Variants in RNGTT observed in about 807,000 individuals in gnomAD.
RNGTT encodes mRNA-capping enzyme.
RNGTT carries 33 observed loss-of-function variants against 79.3 expected under a neutral mutation model. The observed-to-expected ratio is 0.42, with a 90% confidence interval of 0.32 to 0.56. RNGTT has a LOEUF of 0.56. Among genes scored for constraint, RNGTT ranks in the 20% least tolerant of loss-of-function variants. RNGTT has a pLI of 0.17. For missense variants in RNGTT, 497 were observed against 739.1 expected, an observed-to-expected ratio of 0.67 and a Z score of 3.80; for synonymous variants, 222 against 235.9, an observed-to-expected ratio of 0.94 and a Z score of 0.54.
intron 14 of RNGTT, among the ~76,000 whole-genome samples, chr6:88,673,282 G>A (rs2610724): frequency 0.12 from 18,910 of 152,088 alleles, 3,912 homozygotes; most frequent in African/African-American, 0.43. Flanking sequence ...ATTTTTAAAA[G>A]GTTATATCTC....
At chr6:88,792,845 A>T (rs1482272287) in intron 12 of RNGTT, among the ~76,000 whole-genome samples, 2 of 152,202 alleles carry the variant, frequency 1.3e-5, no homozygotes, top group Non-Finnish European at 2.9e-5. Context: ...ATTCAATATA[A>T]TGAAATTTTG....
At chr6:88,892,123 T>C (rs750905545) in intron 6 of RNGTT, among the ~76,000 whole-genome samples, 1 of 152,026 alleles carries the variant, frequency 6.6e-6, no homozygotes, top group Non-Finnish European at 1.5e-5. Context: ...TTCTTCAATA[T>C]ACGTATGTAC....
At chr6:88,836,585 T>C (rs1289228347) in intron 11 of RNGTT, among the ~76,000 whole-genome samples, 1 of 151,858 alleles carries the variant, frequency 6.6e-6, no homozygotes, top group Non-Finnish European at 1.5e-5. Context: ...CTACAAAAGA[T>C]ACAAAAATTA....
chr6:88,853,308 C>A (rs1178815449), intron 9 of RNGTT, among the ~76,000 whole-genome samples: 1 of 152,012 alleles, frequency 6.6e-6, no homozygotes, highest in Admixed American at 6.5e-5. Flanking sequence ...GAGTTCAAGA[C>A]CAGCCTGACC....
chr6:88,778,681 A>G (rs949690840), intron 12 of RNGTT, among the ~76,000 whole-genome samples: 1 of 152,152 alleles, frequency 6.6e-6, no homozygotes, highest in Admixed American at 6.5e-5. Flanking sequence ...AAATTATTTA[A>G]AACTGCAAAA....
intron 11 of RNGTT, among the ~76,000 whole-genome samples, chr6:88,839,450 G>C (rs1285683887): frequency 6.6e-6 from 1 of 152,070 alleles, no homozygotes; most frequent in Non-Finnish European, 1.5e-5. Flanking sequence ...CCGGTCTATA[G>C]TTCCAGCTAT....
intron 14 of RNGTT, among the ~76,000 whole-genome samples, chr6:88,669,140 C>A (rs1384114875): frequency 6.6e-6 from 1 of 152,040 alleles, no homozygotes; most frequent in African/African-American, 2.4e-5. Context: ...GGGCTTGACC[C>A]CCGAGTCAAC....
At chr6:88,660,721 G>T (rs1774153028) in intron 14 of RNGTT, among the ~76,000 whole-genome samples, 1 of 152,030 alleles carries the variant, frequency 6.6e-6, no homozygotes, top group African/African-American at 2.4e-5. Context: ...TAATAGTGGG[G>T]GACTTCAATA....
At chr6:88,640,173 T>G (rs1424676887) in intron 14 of RNGTT, among the ~76,000 whole-genome samples, 1 of 152,174 alleles carries the variant, frequency 6.6e-6, no homozygotes. Context: ...TCAAAGTACT[T>G]GGCACATAAA....
At chr6:88,837,268 G>A (rs978371187) in intron 11 of RNGTT, among the ~76,000 whole-genome samples, 5 of 152,024 alleles carry the variant, frequency 3.3e-5, no homozygotes, top group Non-Finnish European at 4.4e-5. Flanking sequence ...GTGGTGGCAC[G>A]TGCCTGTAGT....
intron 13 of RNGTT, among the ~76,000 whole-genome samples, chr6:88,758,323 C>A (rs1457901385): frequency 6.6e-6 from 1 of 152,084 alleles, no homozygotes; most frequent in African/African-American, 2.4e-5. Context: ...AAAATAATCA[C>A]TGAATACACT....
chr6:88,748,670 T>G (rs1010403200), intron 13 of RNGTT, among the ~76,000 whole-genome samples: 1 of 152,082 alleles, frequency 6.6e-6, no homozygotes, highest in African/African-American at 2.4e-5. Context: ...TGATTTTGCA[T>G]GAATATATCA....
rs143480508 is a variant in RNGTT, at chr6:88,799,541, A to G, written c.1338+2023T>C. Among the ~76,000 whole-genome samples, 3 of 152,186 alleles carry G rather than the reference A, an allele frequency of 2.0e-5. No homozygotes were observed. In the East Asian group the frequency reaches 5.8e-4, roughly 29 times the overall value. On this transcript the variant is annotated intron_variant, in intron 12 of 15. Coordinates refer to ENST00000369485, the MANE Select transcript of RNGTT (RefSeq NM_003800.5). ...TGGTGAAACTCCGTTTCTACTAAAA[A>G]TACAAAAAATTAGCCGGGCATGGTG...
chr6:88,719,522 C>G (rs1320465573), intron 13 of RNGTT, among the ~76,000 whole-genome samples: 1 of 152,148 alleles, frequency 6.6e-6, no homozygotes, highest in Non-Finnish European at 1.5e-5. Context: ...GTTAAACTAC[C>G]TCTAATCCTT....
chr6:88,939,835 C>T (rs1459375705), intron 2 of RNGTT, among the ~76,000 whole-genome samples: 1 of 151,524 alleles, frequency 6.6e-6, no homozygotes, highest in African/African-American at 2.4e-5. Flanking sequence ...TCACTACAGC[C>T]TCAACCTCCT....
chr6:88,789,365 T>A (rs886601519), intron 12 of RNGTT, among the ~76,000 whole-genome samples: 3 of 152,094 alleles, frequency 2.0e-5, no homozygotes, highest in Non-Finnish European at 2.9e-5. Flanking sequence ...ATGGAGACTA[T>A]CCTGGCCAAC....
intron 11 of RNGTT, among the ~76,000 whole-genome samples, chr6:88,827,294 C>A (rs1432616539): frequency 6.6e-6 from 1 of 152,112 alleles, no homozygotes; most frequent in Non-Finnish European, 1.5e-5. Flanking sequence ...GGGGTTTGGG[C>A]ACTCTCTCCC....
intron 14 of RNGTT, among the ~76,000 whole-genome samples, chr6:88,675,749 A>G (rs1318529462): frequency 2.0e-5 from 3 of 151,986 alleles, no homozygotes; most frequent in Non-Finnish European, 4.4e-5. Context: ...AACTACCATT[A>G]AACAATCAGA....
At chr6:88,855,914 CA>C (rs1781830654) in intron 8 of RNGTT, among the ~76,000 whole-genome samples, 1 of 152,060 alleles carries the variant, frequency 6.6e-6, no homozygotes, top group Non-Finnish European at 1.5e-5. Flanking sequence ...TTTAAATCAA[CA>C]AAAGGGAAGA....
Sources: allele counts gnomAD v4.1 joint callset (sites outside exome capture counted in the v4.1 genomes callset), GRCh38; gene constraint gnomAD v4.1.1; transcripts MANE v1.5; gene names NCBI Gene and HGNC (gene_info 2026-07-23, HGNC 2026-07-21).